CYP4F11: variants seen among roughly 807,000 people sequenced by gnomAD.
CYP4F11 encodes the protein cytochrome P450 family 4 subfamily F member 11.
CYP4F11 carries 79 observed loss-of-function variants against 62.2 expected under a neutral mutation model. That is an observed-to-expected ratio of 1.27 (90% confidence interval 1.06 to 1.53). CYP4F11 has a LOEUF of 1.53. CYP4F11 is among the 40% of genes most tolerant of loss of function. The probability of loss-of-function intolerance (pLI) is 0.00; values close to 1 mark genes in which losing one functional copy is unlikely to be tolerated. For missense variants in CYP4F11, 777 were observed against 680.5 expected (o/e 1.14, Z -1.58); for synonymous variants, 290 against 263.7 (o/e 1.10, Z -0.97).
Position 15,913,083 on chromosome 19 carries a change from T to C in CYP4F11, c.*649A>G, listed in dbSNP as rs951076964. On this transcript the variant is annotated 3_prime_UTR_variant, in exon 12 of 12. Transcript: ENST00000402119. ...AGGTAATGCTGTTGTCTCCATTATA[T>C]GGTTGAGGGAACCGAGGCACAGAGA... 1 of 156,248 alleles carries C rather than the reference T, an allele frequency of 6.4e-6. No individual in the cohort carries two copies. Among genetic ancestry groups the C allele is most frequent in the African/African-American group, 2.4e-5 (1 of 41,398 alleles). The allele number at this position is 156,248 out of a possible 1,614,324, so 9.7% of individuals were successfully genotyped here. A position where few individuals can be genotyped will look rare whatever the true frequency, so the allele number is the denominator to read the frequency against.
chr19:15,934,192 G>C lies in CYP4F11; in HGVS notation c.198+19C>G, dbSNP rs372827165. 4 of 1,612,598 alleles carry C rather than the reference G, an allele frequency of 2.5e-6. No homozygotes were observed. Among genetic ancestry groups the C allele is most frequent in the South Asian group, 2.2e-5 (2 of 90,996 alleles). On this transcript the variant is annotated intron_variant, in intron 1 of 11. Transcript: ENST00000402119. ...CCATGCATCCTGAGACCCCAGACCC[G>C]TCCTGCTGACAAACTCACCAGGCCC...
At position 15,934,317 on chromosome 19, in the gene CYP4F11, A is replaced by C; in HGVS notation, c.92T>G (p.Leu31Arg). ...GTAGGTCCAGGCCAGGACGCGGGCCAGGAGCCAGGAGCCTCCAACCAGCAG... is the reference window on the plus strand; with the variant it reads ...GTAGGTCCAGGCCAGGACGCGGGCCCGGAGCCAGGAGCCTCCAACCAGCAG... ...LLLLVGGSWLLARVLAWTYTF... is the reference protein window; with the variant it reads ...LLLLVGGSWLRARVLAWTYTF... The change falls in exon 1 of 12, where the codon CTG becomes CGG. Residue 31 changes from leucine (L) to arginine (R), a missense_variant. By Grantham distance (102) the Leu-to-Arg change is moderately radical. Transcript: ENST00000402119. 6.2e-7 allele frequency: 1 copy of C among 1,613,022 alleles called. No individual in the cohort carries two copies. Among genetic ancestry groups the C allele is most frequent in the Non-Finnish European group, 8.5e-7 (1 of 1,179,544 alleles).
At chr19:15,914,011 T>C (rs2089560975) in intron 11 of CYP4F11, 102 bp from the exon 12 acceptor site, 1 of 1,397,036 alleles carries the variant, frequency 7.2e-7, no homozygotes, top group Non-Finnish European at 9.7e-7. Flanking sequence ...CCACATAGGC[T>C]TGAGGGGCAG....
rs1555776546 is a variant in CYP4F11 at position 15,912,680 on chromosome 19, A to AATATATATAT, written c.*1042_*1051dup. On this transcript the variant is annotated 3_prime_UTR_variant, in exon 12 of 12. Coordinates refer to ENST00000402119, the MANE Select transcript of CYP4F11 (RefSeq NM_021187.4). Reference sequence around the variant, plus strand: ...TCACCATCCTCAGGAAAAAAAAAAAAATATATATATATATATATGTGTGTG... The same window carrying AATATATATAT: ...TCACCATCCTCAGGAAAAAAAAAAAAATATATATATATATATATATATATATATGTGTGTG... 1.5e-5 allele frequency: 1 copy of AATATATATAT among 66,174 alleles called. No individual in the cohort carries two copies. Among genetic ancestry groups the AATATATATAT allele is most frequent in the Non-Finnish European group, 2.8e-5 (1 of 36,174 alleles). The allele number at this position is 66,174 out of a possible 1,614,324, so 4.1% of individuals were successfully genotyped here.
Position 15,933,887 on chromosome 19 carries a change from GAGGAATGAGTGAGTGGGC to G in CYP4F11, c.198+306_198+323del, listed in dbSNP as rs2089751399. Among the ~76,000 whole-genome samples the G allele has an allele frequency of 5.0e-5, 7 of 139,138 alleles. 2 individuals carry two copies. The highest frequency in any genetic ancestry group is 2.0e-4 in the African/African-American group (7 of 34,436). 91.3% of individuals were successfully genotyped at this position (139,138 alleles called of 152,430 possible). On this transcript the variant is annotated intron_variant, in intron 1 of 11. Coordinates refer to ENST00000402119, the MANE Select transcript of CYP4F11 (RefSeq NM_021187.4). ...GAGCAGAGGAATGAGTGAGCGAGAA[GAGGAATGAGTGAGTGGGC>G]AGAGGAATGAGTGAGCGGGGAGAGG...
In CYP4F11 at chr19:15,934,299, C is replaced by G; in HGVS notation, c.110G>C (p.Trp37Ser). The change falls in exon 1 of 12, where the codon TGG (tryptophan) becomes TCG (serine). Residue 37 changes from tryptophan (W) to serine (S), a missense_variant. By Grantham distance (177) the Trp-to-Ser change is radical. Transcript: ENST00000402119. ...GSWLLARVLA[W>S]TYTFYDNCRR... Reference sequence around the variant, plus strand: ...GCAGTTGTCATAGAAGGTGTAGGTCCAGGCCAGGACGCGGGCCAGGAGCCA... The same window carrying G: ...GCAGTTGTCATAGAAGGTGTAGGTCGAGGCCAGGACGCGGGCCAGGAGCCA... The G allele has an allele frequency of 6.2e-7, 1 of 1,613,384 alleles. No homozygotes were observed.
chr19:15,928,539 A>T (rs7257810), intron 2 of CYP4F11, among the ~76,000 whole-genome samples: 82,510 of 152,014 alleles, frequency 0.54, 22,949 homozygotes, highest in Non-Finnish European at 0.61. Flanking sequence ...CACTCTCCCC[A>T]GACTTACAGC....
At position 15,914,346 on chromosome 19, in the gene CYP4F11, C is replaced by T. The variant is rs767891863; in HGVS notation, c.1356G>A (p.Glu452=). The change falls in exon 11 of 12, where the codon GAG becomes GAA. Residue 452 remains glutamate (E), a synonymous_variant. Transcript: ENST00000402119. Reference sequence around the variant, plus strand: ...AGGGAATAAAAGCCAGAGGTGACCTCTCCTTGATGTTCTCTTGGTCGAAAC... The same window carrying T: ...AGGGAATAAAAGCCAGAGGTGACCTTTCCTTGATGTTCTCTTGGTCGAAAC... ...PFRFDQENIK[E]RSPLAFIPFS... is the part of the protein sequence containing the mutation. The T allele has an allele frequency of 6.2e-7, 1 of 1,614,140 alleles. No individual in the cohort carries two copies. The highest frequency in any genetic ancestry group is 1.1e-5 in the South Asian group (1 of 91,076).
chr19:15,929,163 G>A (rs79069793), intron 2 of CYP4F11, among the ~76,000 whole-genome samples: 20,271 of 152,190 alleles, frequency 0.13, 1,517 homozygotes, highest in South Asian at 0.28. Context: ...AGATGTCTCT[G>A]TCCAGATCCA....
At position 15,923,858 on chromosome 19, in the gene CYP4F11, G is replaced by T; in HGVS notation, c.872C>A (p.Ala291Glu). ...AATGAAGTCTAAAGTCTTGGACTTT[G>T]CCTTGTTCTTGAGGAAATCATCAAT... is the stretch of plus-strand genomic sequence containing the variant. ...QGIDDFLKNK[A>E]KSKTLDFIDV... The change falls in exon 6 of 12, where the codon GCA becomes GAA. Residue 291 changes from alanine (A) to glutamate (E), a missense_variant. By Grantham distance (107) the Ala-to-Glu change is moderately radical. Transcript: ENST00000402119. The T allele has an allele frequency of 1.2e-6, 2 of 1,614,210 alleles. No individual in the cohort carries two copies. Among genetic ancestry groups the T allele is most frequent in the Non-Finnish European group, 1.7e-6 (2 of 1,180,038 alleles).
At position 15,934,358 on chromosome 19, in the gene CYP4F11, G is replaced by T. The variant is rs764654826; in HGVS notation, c.51C>A (p.Ser17=). Residue 17 remains serine (S), a synonymous_variant, in exon 1 of 12, where the codon TCC becomes TCA. Coordinates refer to ENST00000402119, the MANE Select transcript of CYP4F11 (RefSeq NM_021187.4). The part of the protein sequence containing the change: ...SWLGLGPVAA[S]PWLLLLLVGG... ...CAACCAGCAGCAGAAGCAGCCACGGGGATGCTGCCACGGGCCCGAGGCCCA... is the reference window on the plus strand; with the variant it reads ...CAACCAGCAGCAGAAGCAGCCACGGTGATGCTGCCACGGGCCCGAGGCCCA... 1 of 1,613,392 alleles carries T rather than the reference G, an allele frequency of 6.2e-7. No individual in the cohort carries two copies. The highest frequency in any genetic ancestry group is 8.5e-7 in the Non-Finnish European group (1 of 1,179,644).
Position 15,934,498 on chromosome 19 carries a change from G to A in CYP4F11, c.-90C>T. ...AGGACAGTGGAAAGGGGCAAGGATG[G>A]GCAGTGCTGGAGGCAGATCAGGGAA... On this transcript the variant is annotated 5_prime_UTR_variant, in exon 1 of 12. Coordinates refer to ENST00000402119, the MANE Select transcript of CYP4F11 (RefSeq NM_021187.4). 6.8e-7 allele frequency: 1 copy of A among 1,466,686 alleles called. No individual in the cohort carries two copies. The highest frequency in any genetic ancestry group is 9.2e-7 in the Non-Finnish European group (1 of 1,090,910). The allele number at this position is 1,466,686 out of a possible 1,614,324, so 90.9% of individuals were successfully genotyped here. A position where few individuals can be genotyped will look rare whatever the true frequency, so the allele number is the denominator to read the frequency against.
In CYP4F11 at chr19:15,934,388, G is replaced by T; in HGVS notation, c.21C>A (p.Ser7=). The T allele has an allele frequency of 6.2e-7, 1 of 1,613,362 alleles. No homozygotes were observed. MPQLSL[S]WLGLGPVAAS... ...CTGCCACGGGCCCGAGGCCCAGCCAGGACAGGCTCAGCTGCGGCATCCTGC... is the reference window on the plus strand; with the variant it reads ...CTGCCACGGGCCCGAGGCCCAGCCATGACAGGCTCAGCTGCGGCATCCTGC... The change falls in exon 1 of 12, where the codon TCC becomes TCA. Residue 7 remains serine, a synonymous_variant. Coordinates refer to ENST00000402119, the MANE Select transcript of CYP4F11 (RefSeq NM_021187.4).
In CYP4F11 at chr19:15,912,752, TG is replaced by T. The variant is rs1273504260; in HGVS notation, c.*979del. ...GTGTGTGTATATGTATATATGTGTGTGTGTGTGTGTGTGTGTGTGTATATAT... is the reference window on the plus strand; with the variant it reads ...GTGTGTGTATATGTATATATGTGTGTTGTGTGTGTGTGTGTGTGTATATAT... On this transcript the variant is annotated 3_prime_UTR_variant, in exon 12 of 12. Transcript: ENST00000402119. The T allele has an allele frequency of 6.3e-5, 1 of 15,902 alleles. No homozygotes were observed. The highest frequency in any genetic ancestry group is 1.4e-4 in the Non-Finnish European group (1 of 7,092). 1.0% of individuals were successfully genotyped at this position (15,902 alleles called of 1,614,324 possible). A position where few individuals can be genotyped will look rare whatever the true frequency, so the allele number is the denominator to read the frequency against.
At chr19:15,931,592 A>G (rs868435367) in intron 1 of CYP4F11, among the ~76,000 whole-genome samples, 1,303 of 113,298 alleles carry the variant, frequency 0.012, 20 homozygotes, top group Non-Finnish European at 0.017. Flanking sequence ...GAGGAGAGGA[A>G]TGAGTGAGTG....
At chr19:15,918,490 G>A (rs1284035880) in intron 8 of CYP4F11, among the ~76,000 whole-genome samples, 1 of 152,122 alleles carries the variant, frequency 6.6e-6, no homozygotes, top group East Asian at 1.9e-4. Context: ...TTATGGGAAA[G>A]CTGTTGCCAT....
chr19:15,931,217 G>C (rs1044404410), intron 1 of CYP4F11, among the ~76,000 whole-genome samples: 7 of 151,840 alleles, frequency 4.6e-5, no homozygotes, highest in Non-Finnish European at 7.4e-5. Context: ...TTCTCTTCTG[G>C]ACCCTCTGTG....
chr19:15,919,769 G>A (rs2089611858), intron 8 of CYP4F11, among the ~76,000 whole-genome samples: 1 of 152,138 alleles, frequency 6.6e-6, no homozygotes, highest in Non-Finnish European at 1.5e-5. Context: ...CCTGTCGTTG[G>A]TGACAATATG....
chr19:15,933,749 A>G lies in CYP4F11; in HGVS notation c.198+462T>C, dbSNP rs142178955. On this transcript the variant is annotated intron_variant, in intron 1 of 11. Transcript: ENST00000402119. ...GGAGAGGAATGAGTGAGTGAGGAGA[A>G]GAATGAGTGAGTGAGGAGAGGAATG... 6.4e-3 allele frequency among the ~76,000 whole-genome samples: 40 copies of G among 6,298 alleles called. 2 individuals carry two copies. The highest frequency in any genetic ancestry group is 5.4e-3 in the Non-Finnish European group (21 of 3,870). 4.1% of individuals were successfully genotyped at this position (6,298 alleles called of 152,430 possible). A position where few individuals can be genotyped will look rare whatever the true frequency, so the allele number is the denominator to read the frequency against.
Sources: allele counts gnomAD v4.1 joint callset (sites outside exome capture counted in the v4.1 genomes callset), GRCh38; gene constraint gnomAD v4.1.1; transcripts MANE v1.5; gene names NCBI Gene and HGNC (gene_info 2026-07-23, HGNC 2026-07-21).